Variants in NFU1 observed in about 807,000 individuals in gnomAD.
The protein encoded by NFU1 is NFU1 iron-sulfur cluster scaffold.
A neutral mutation model predicts 32.2 loss-of-function variants in NFU1; 30 were observed. The ratio of observed to expected loss-of-function variants is 0.93; its 90% CI spans 0.70 to 1.26. The LOEUF is 1.26. Among genes scored for constraint, NFU1 ranks in the 50% most tolerant of loss-of-function variants. NFU1 has a pLI of 0.00. For synonymous variants in NFU1, 112 were observed against 104.6 expected, an observed-to-expected ratio of 1.07 and a Z score of -0.43; for missense variants, 306 against 306.6, an observed-to-expected ratio of 1.00 and a Z score of 0.02.
chr2:69,413,094 A>G (rs1467490310), intron 5 of NFU1, among the ~76,000 whole-genome samples: 1 of 151,494 alleles, frequency 6.6e-6, no homozygotes, highest in Non-Finnish European at 1.5e-5. Flanking sequence ...AGACCAGACC[A>G]GCCAACATGG....
Position 69,433,081 on chromosome 2 carries a change from C to T in NFU1, c.63-1076G>A, listed in dbSNP as rs530767710. Among the ~76,000 whole-genome samples, 21 of 65,996 alleles carry T rather than the reference C, an allele frequency of 3.2e-4. No individual in the cohort carries two copies. In the East Asian group the frequency reaches 4.0e-3, roughly 13 times the overall value. 43.3% of individuals were successfully genotyped at this position (65,996 alleles called of 152,430 possible). On this transcript the variant is annotated intron_variant, in intron 1 of 7. Transcript: ENST00000410022. ...AGAGGAATCGCTTGAACCCAGGAGG[C>T]GTAGGTTGCAGTGAGCCGAGATCGT...
intron 5 of NFU1, among the ~76,000 whole-genome samples, chr2:69,409,787 T>G (rs556531098): frequency 1.2e-4 from 19 of 152,224 alleles, no homozygotes; most frequent in Non-Finnish European, 2.5e-4. Flanking sequence ...TACCTCCGGC[T>G]CTTCGAGAGG....
At chr2:69,396,360 A>C in intron 7 of NFU1, 70 bp from the exon 8 acceptor site, 1 of 1,150,876 alleles carries the variant, frequency 8.7e-7, no homozygotes, top group Non-Finnish European at 1.3e-6. Flanking sequence ...TCCTGATTTT[A>C]ATATTACTTC....
intron 1 of NFU1, 57 bp downstream of exon 1, chr2:69,437,304 G>T: frequency 6.4e-7 from 1 of 1,566,618 alleles, no homozygotes; most frequent in Non-Finnish European, 8.6e-7. Flanking sequence ...GGCGGCGACC[G>T]CTCCGCTGGC....
intron 2 of NFU1, among the ~76,000 whole-genome samples, chr2:69,424,298 G>GT (rs1201187706): frequency 8.7e-5 from 11 of 126,670 alleles, no homozygotes; most frequent in South Asian, 2.5e-4. Context: ...TTTTGTTTTT[G>GT]TTTTTTTTGA....
rs534786983 is a variant in NFU1, at chr2:69,432,341, G to A, written c.63-336C>T. On this transcript the variant is annotated intron_variant, in intron 1 of 7. Transcript: ENST00000410022. ...TGTAATCCCAGCATTTTGGGAGGCC[G>A]AGGCAGGTGGATCACGTGAGGTTGG... Among the ~76,000 whole-genome samples the A allele has an allele frequency of 1.6e-4, 24 of 152,120 alleles. No individual in the cohort carries two copies. The South Asian group carries it at 5.0e-3, about 32-fold the overall frequency.
chr2:69,418,178 T>C (rs998619168), intron 4 of NFU1, among the ~76,000 whole-genome samples: 10 of 152,150 alleles, frequency 6.6e-5, no homozygotes, highest in Non-Finnish European at 1.2e-4. Context: ...GGTGAGCAGA[T>C]TGTTTGAGCT....
intron 2 of NFU1, among the ~76,000 whole-genome samples, chr2:69,428,426 C>CAA (rs144340013): frequency 1.1e-3 from 153 of 139,174 alleles, no homozygotes; most frequent in African/African-American, 3.9e-3. Context: ...GACTCTGTCT[C>CAA]AAAAAAAAAA....
chr2:69,401,951 T>C (rs1156309370), intron 6 of NFU1, among the ~76,000 whole-genome samples: 3 of 151,972 alleles, frequency 2.0e-5, no homozygotes, highest in Non-Finnish European at 2.9e-5. Context: ...TGGAGTGCAA[T>C]GGCACGATCT....
Position 69,419,615 on chromosome 2 carries a change from A to G in NFU1, c.303-11T>C, listed in dbSNP as rs200341023. On this transcript the variant is annotated splice_polypyrimidine_tract_variant and intron_variant, in intron 3 of 7. Transcript: ENST00000410022. ...ATCCTAAATAACTGCCTGCAAAAAA[A>G]GAAAAAATAAGAGATATTAAAATGC... The G allele has an allele frequency of 3.4e-6, 5 of 1,472,452 alleles. No homozygotes were observed. The highest frequency in any genetic ancestry group is 1.4e-5 in the African/African-American group (1 of 72,338). The allele number at this position is 1,472,452 out of a possible 1,614,324, so 91.2% of individuals were successfully genotyped here.
chr2:69,420,235 C>G (rs1178177937), intron 3 of NFU1, among the ~76,000 whole-genome samples: 1 of 152,122 alleles, frequency 6.6e-6, no homozygotes, highest in Non-Finnish European at 1.5e-5. Context: ...AACTCCTGAC[C>G]TCAGGTGATC....
At chr2:69,436,733 TC>T (rs1352030018) in intron 1 of NFU1, among the ~76,000 whole-genome samples, 3 of 152,162 alleles carry the variant, frequency 2.0e-5, no homozygotes, top group Admixed American at 1.3e-4. Context: ...TACATAAATG[TC>T]CTCTTAGCAA....
chr2:69,411,170 A>C (rs1672866223), intron 5 of NFU1: 1 of 152,136 alleles, frequency 6.6e-6, no homozygotes, highest in Non-Finnish European at 1.5e-5. Flanking sequence ...ATTATTATAA[A>C]CTATATAGAA....
At chr2:69,434,577 T>G (rs1228707790) in intron 1 of NFU1, among the ~76,000 whole-genome samples, 2 of 152,196 alleles carry the variant, frequency 1.3e-5, no homozygotes, top group Non-Finnish European at 2.9e-5. Flanking sequence ...ATAGTAAAAA[T>G]TCTTAAAATC....
At chr2:69,399,453 A>G (rs946735996) in intron 7 of NFU1, 6 of 435,672 alleles carry the variant, frequency 1.4e-5, no homozygotes, top group African/African-American at 4.1e-5. Context: ...TCTACTCAGT[A>G]TAACAACAAA....
At chr2:69,398,728 T>G (rs1453082384) in intron 7 of NFU1, among the ~76,000 whole-genome samples, 1 of 152,210 alleles carries the variant, frequency 6.6e-6, no homozygotes, top group African/African-American at 2.4e-5. Context: ...GCCCGATAAA[T>G]GGCTTCTGTT....
At chr2:69,406,135 A>C in intron 5 of NFU1, 53 bp from the exon 6 acceptor site, 1 of 1,003,180 alleles carries the variant, frequency 1.0e-6, no homozygotes, top group Non-Finnish European at 1.6e-6. Flanking sequence ...ATAGCCATGC[A>C]AGTACGAGTA....
rs1480668551 is a variant in NFU1 at position 69,396,185 on chromosome 2, A to G, written c.*61T>C. ...CAAGTTCCTCAGCATATTAATAATA[A>G]AAACTTGATATATATTATCAACAAG... On this transcript the variant is annotated 3_prime_UTR_variant, in exon 8 of 8. Transcript: ENST00000410022. 7.7e-7 allele frequency: 1 copy of G among 1,306,086 alleles called. No homozygotes were observed. Among genetic ancestry groups the G allele is most frequent in the African/African-American group, 1.5e-5 (1 of 68,284 alleles). The allele number at this position is 1,306,086 out of a possible 1,614,324, so 80.9% of individuals were successfully genotyped here.
chr2:69,395,751 T>C (rs76152475), downstream of NFU1: 1 of 154,304 alleles, frequency 6.5e-6, no homozygotes, highest in East Asian at 1.9e-4. Context: ...CCGGACATTT[T>C]TGATTTCTTT....
Sources: allele counts gnomAD v4.1 joint callset (sites outside exome capture counted in the v4.1 genomes callset), GRCh38; gene constraint gnomAD v4.1.1; transcripts MANE v1.5; gene names NCBI Gene and HGNC (gene_info 2026-07-23, HGNC 2026-07-21).